SPPL3: variants seen among roughly 807,000 people sequenced by gnomAD.
SPPL3 encodes the protein signal peptide peptidase-like 3.
A neutral mutation model predicts 42.4 loss-of-function variants in SPPL3; 5 were observed. The observed-to-expected ratio is 0.12, with a 90% CI of 0.06 to 0.25. The LOEUF (loss-of-function observed/expected upper bound fraction) is 0.25. SPPL3 is among the 10% of genes least tolerant of loss of function. The pLI, the probability that SPPL3 is intolerant of heterozygous loss-of-function variation, is 1.00. For synonymous variants in SPPL3, 195 were observed against 181.8 expected (o/e 1.07, Z -0.58); for missense variants, 235 against 489.0 (o/e 0.48, Z 4.90).
chr12:120,788,472 G>A (rs1869796203), intron 3 of SPPL3, among the ~76,000 whole-genome samples: 1 of 151,992 alleles, frequency 6.6e-6, no homozygotes. Flanking sequence ...TGATTTTTTG[G>A]GGCATGAGTC....
intron 1 of SPPL3, among the ~76,000 whole-genome samples, chr12:120,848,812 G>GT (rs1872128514): frequency 6.6e-6 from 1 of 152,212 alleles, no homozygotes; most frequent in African/African-American, 2.4e-5. Flanking sequence ...TAAGAAAATA[G>GT]TAAGGACAAA....
chr12:120,794,938 T>G (rs1870048270), intron 2 of SPPL3, among the ~76,000 whole-genome samples: 1 of 152,238 alleles, frequency 6.6e-6, no homozygotes, highest in South Asian at 2.1e-4. Context: ...ATAGTATACA[T>G]CTTTAACACA....
chr12:120,900,612 A>AAG lies in SPPL3; in HGVS notation c.23+3231_23+3232dup, dbSNP rs1186677827. Among the ~76,000 whole-genome samples, 44 of 150,998 alleles carry AAG rather than the reference A, an allele frequency of 2.9e-4. No individual in the cohort carries two copies. In the South Asian group the frequency reaches 7.4e-3, roughly 25 times the overall value. On this transcript the variant is annotated intron_variant, in intron 1 of 10. Transcript: ENST00000353487. ...CTGTCTCAAGGAAAAAAAAAAAAAA[A>AAG]AGAGAGATCAATTGCCGGGTGTGGT...
chr12:120,773,776 G>A (rs1869209641), intron 6 of SPPL3, among the ~76,000 whole-genome samples: 1 of 152,142 alleles, frequency 6.6e-6, no homozygotes, highest in South Asian at 2.1e-4. Flanking sequence ...ACTAATTTTT[G>A]CATTTTTAAT....
At chr12:120,765,508 G>C (rs1868855182) in intron 10 of SPPL3, among the ~76,000 whole-genome samples, 1 of 152,164 alleles carries the variant, frequency 6.6e-6, no homozygotes, top group South Asian at 2.1e-4. Flanking sequence ...GGCTGGTCCT[G>C]AACTCTTAAC....
chr12:120,826,636 G>C (rs955795369), intron 1 of SPPL3, among the ~76,000 whole-genome samples: 1 of 152,158 alleles, frequency 6.6e-6, no homozygotes, highest in African/African-American at 2.4e-5. Context: ...ACACTCAGCT[G>C]TCTCTGGCCT....
intron 1 of SPPL3, among the ~76,000 whole-genome samples, chr12:120,843,535 G>C (rs1370834031): frequency 2.0e-5 from 3 of 152,072 alleles, no homozygotes; most frequent in African/African-American, 4.8e-5. Flanking sequence ...CACCTCACTG[G>C]CTGTTCCTGC....
intron 1 of SPPL3, among the ~76,000 whole-genome samples, chr12:120,857,227 TCTCA>T (rs1458889822): frequency 3.7e-4 from 57 of 152,194 alleles, no homozygotes; most frequent in Admixed American, 3.5e-3. Flanking sequence ...CACTTCTCTC[TCTCA>T]GTTTATGAAA....
chr12:120,880,009 C>T (rs1213979669), intron 1 of SPPL3, among the ~76,000 whole-genome samples: 2 of 149,336 alleles, frequency 1.3e-5, no homozygotes. Context: ...TTTCATTCCT[C>T]GGTTTAACAA....
At position 120,762,921 on chromosome 12, in the gene SPPL3, G is replaced by A. The variant is rs1208832296; in HGVS notation, c.*2078C>T. 2.0e-5 allele frequency: 3 copies of A among 152,178 alleles called. No homozygotes were observed. Among genetic ancestry groups the A allele is most frequent in the Non-Finnish European group, 2.9e-5 (2 of 68,068 alleles). The allele number at this position is 152,178 out of a possible 1,614,324, so 9.4% of individuals were successfully genotyped here. On this transcript the variant is annotated 3_prime_UTR_variant, in exon 11 of 11. Transcript: ENST00000353487. ...CATCACTGGCACTTGCCCTTAATCC[G>A]AGTCATTTTGGAGCCCCCCTCTCTG...
At chr12:120,876,616 C>CAAAAAAA (rs71076676) in intron 1 of SPPL3, among the ~76,000 whole-genome samples, 11,653 of 50,778 alleles carry the variant, frequency 0.23, 1,945 homozygotes, top group Non-Finnish European at 0.33. Context: ...GACTCTGTCT[C>CAAAAAAA]AAAAAAAAAA....
intron 1 of SPPL3, among the ~76,000 whole-genome samples, chr12:120,834,358 T>G (rs1204004973): frequency 1.3e-5 from 2 of 151,970 alleles, no homozygotes; most frequent in East Asian, 3.9e-4. Context: ...GTCCATGAAG[T>G]CTTTTTGGTT....
At chr12:120,809,432 A>C (rs1870609661) in intron 2 of SPPL3, among the ~76,000 whole-genome samples, 1 of 152,228 alleles carries the variant, frequency 6.6e-6, no homozygotes, top group African/African-American at 2.4e-5. Context: ...TATTGAGGTA[A>C]AGACTGCAAG....
At chr12:120,873,217 G>A (rs1872981237) in intron 1 of SPPL3, among the ~76,000 whole-genome samples, 1 of 152,176 alleles carries the variant, frequency 6.6e-6, no homozygotes, top group South Asian at 2.1e-4. Flanking sequence ...ACCCCCTGCA[G>A]AAGGAAAGAT....
intron 1 of SPPL3, among the ~76,000 whole-genome samples, chr12:120,812,036 G>A (rs1870699375): frequency 6.6e-6 from 1 of 151,696 alleles, no homozygotes; most frequent in African/African-American, 2.4e-5. Context: ...GATTGTTTAT[G>A]GGAACCAGCA....
intron 10 of SPPL3, 91 bp from the exon 11 acceptor site, chr12:120,765,161 G>C: frequency 8.0e-7 from 1 of 1,256,062 alleles, no homozygotes; most frequent in Non-Finnish European, 1.1e-6. Context: ...TTTTTTTCCA[G>C]GTATGAAGTC....
At chr12:120,809,346 A>G (rs1330625843) in intron 2 of SPPL3, among the ~76,000 whole-genome samples, 2 of 150,860 alleles carry the variant, frequency 1.3e-5, no homozygotes, top group Non-Finnish European at 1.5e-5. Context: ...CTCCGTCTCA[A>G]AAAAAAAAAC....
In SPPL3 at chr12:120,777,978, G is replaced by C. The variant is rs1869387839; in HGVS notation, c.502+4677C>G. Among the ~76,000 whole-genome samples the C allele has an allele frequency of 1.3e-5, 2 of 151,916 alleles. 1 individual carries two copies. Among genetic ancestry groups the C allele is most frequent in the African/African-American group, 4.8e-5 (2 of 41,322 alleles). ...GGGTAACTTGGTCTGCAAACTCAAG[G>C]AACTGTTTTAATAGCTTGGTATATG... On this transcript the variant is annotated intron_variant, in intron 6 of 10. Transcript: ENST00000353487.
At position 120,792,003 on chromosome 12, in the gene SPPL3, G is replaced by T. The variant is rs1869931997; in HGVS notation, c.102-446C>A. ...TGATTCAACAACAAAAAAAATTTGAGTGTCTTCTATATCTGGAACTGTTCT... is the reference window on the plus strand; with the variant it reads ...TGATTCAACAACAAAAAAAATTTGATTGTCTTCTATATCTGGAACTGTTCT... On this transcript the variant is annotated intron_variant, in intron 2 of 10. Transcript: ENST00000353487. 2.9e-5 allele frequency: 5 copies of T among 174,088 alleles called. No individual in the cohort carries two copies. In the Admixed American group the frequency reaches 3.1e-4, roughly 11 times the overall value. 10.8% of individuals were successfully genotyped at this position (174,088 alleles called of 1,614,324 possible). A position where few individuals can be genotyped will look rare whatever the true frequency, so the allele number is the denominator to read the frequency against.
Sources: gnomAD v4.1 joint callset for allele counts (sites outside exome capture counted in the v4.1 genomes callset) on GRCh38, gnomAD v4.1.1 for gene constraint, MANE v1.5 for transcripts, NCBI Gene and HGNC (gene_info 2026-07-23, HGNC 2026-07-21) for gene names.